Variants in ZBTB20 observed in about 807,000 individuals in gnomAD.
ZBTB20 encodes zinc finger and BTB domain containing 20.
In ZBTB20, 9 loss-of-function variants were observed where a neutral mutation model predicts 56.9. The ratio of observed to expected loss-of-function variants is 0.16; its 90% CI spans 0.10 to 0.28. The LOEUF (loss-of-function observed/expected upper bound fraction) is 0.28, where lower values mean the gene tolerates loss of function less well. ZBTB20 is among the 10% of genes least tolerant of loss of function. ZBTB20 has a pLI of 1.00. For synonymous variants in ZBTB20, 417 were observed against 420.7 expected (o/e 0.99, Z 0.11); for missense variants, 655 against 1,003.0 (o/e 0.65, Z 4.69).
At chr3:114,832,144 T>C (rs915635941) in intron 4 of ZBTB20, among the ~76,000 whole-genome samples, 1 of 152,100 alleles carries the variant, frequency 6.6e-6, no homozygotes, top group African/African-American at 2.4e-5. Flanking sequence ...AAAGTCCTAC[T>C]CTGCCAAGCC....
chr3:114,586,964 T>C (rs1577773954), intron 6 of ZBTB20, among the ~76,000 whole-genome samples: 1 of 151,886 alleles, frequency 6.6e-6, no homozygotes, highest in East Asian at 1.9e-4. Flanking sequence ...GTACTGAATT[T>C]ATACATAACT....
intron 5 of ZBTB20, among the ~76,000 whole-genome samples, chr3:114,705,140 T>G (rs2063636990): frequency 6.6e-6 from 1 of 152,286 alleles, no homozygotes; most frequent in African/African-American, 2.4e-5. Context: ...CATGTTTTTC[T>G]CACTTAACTA....
At chr3:114,841,364 C>G (rs766420029) in intron 4 of ZBTB20, among the ~76,000 whole-genome samples, 1 of 151,876 alleles carries the variant, frequency 6.6e-6, no homozygotes, top group African/African-American at 2.4e-5. Context: ...CATGGTGCAC[C>G]GAAGGCATGA....
intron 6 of ZBTB20, among the ~76,000 whole-genome samples, chr3:114,625,911 T>A (rs981784267): frequency 6.6e-6 from 1 of 151,722 alleles, no homozygotes; most frequent in Admixed American, 6.6e-5. Context: ...AGTCAACTGA[T>A]AAAAAAAAGT....
intron 6 of ZBTB20, among the ~76,000 whole-genome samples, chr3:114,639,936 T>C (rs1321298876): frequency 1.3e-5 from 2 of 152,090 alleles, no homozygotes; most frequent in Admixed American, 6.6e-5. Context: ...ATTATAAAGA[T>C]ATTCTAAGAT....
intron 6 of ZBTB20, among the ~76,000 whole-genome samples, chr3:114,587,852 T>C (rs972430377): frequency 6.6e-6 from 1 of 152,240 alleles, no homozygotes; most frequent in Non-Finnish European, 1.5e-5. Flanking sequence ...ATTCTAGCTC[T>C]ATCTGTATTG....
intron 6 of ZBTB20, among the ~76,000 whole-genome samples, chr3:114,656,752 T>C (rs904196908): frequency 2.0e-5 from 3 of 152,090 alleles, no homozygotes; most frequent in African/African-American, 4.8e-5. Context: ...TATATATACA[T>C]ATATTTTTAG....
At chr3:115,012,676 T>C (rs993837562) in intron 2 of ZBTB20, among the ~76,000 whole-genome samples, 7 of 151,686 alleles carry the variant, frequency 4.6e-5, no homozygotes, top group African/African-American at 1.4e-4. Context: ...AGAAAATCCA[T>C]AAAGAAACTT....
chr3:114,921,355 TCAAGTGATCTG>T (rs1241962845), intron 3 of ZBTB20, among the ~76,000 whole-genome samples: 1 of 152,102 alleles, frequency 6.6e-6, no homozygotes, highest in Non-Finnish European at 1.5e-5. Context: ...CCTCCAGAAT[TCAAGTGATCTG>T]CATGTCTCAG....
In ZBTB20 at chr3:114,442,845, C is replaced by A. The variant is rs142995956; in HGVS notation, c.-254-53740G>T. 3.1e-3 allele frequency among the ~76,000 whole-genome samples: 471 copies of A among 152,242 alleles called. 5 individuals carry two copies. The highest frequency in any genetic ancestry group is 0.011 in the African/African-American group (445 of 41,540). ...ATACATTTAATGTTATATCTCTACC[C>A]TTACATGTCTCAAGTTATTTCATCA... On this transcript the variant is annotated intron_variant, in intron 7 of 11. Coordinates refer to ENST00000675478, the MANE Select transcript of ZBTB20 (RefSeq NM_001348800.3).
intron 5 of ZBTB20, among the ~76,000 whole-genome samples, chr3:114,751,450 CT>C (rs2067549714): frequency 6.6e-6 from 1 of 152,140 alleles, no homozygotes; most frequent in African/African-American, 2.4e-5. Context: ...ACAAAATATA[CT>C]TCAATTCAAT....
rs144382533 is a variant in ZBTB20, at chr3:114,936,550, A to G, written c.-455-36208T>C. 2.5e-3 allele frequency among the ~76,000 whole-genome samples: 388 copies of G among 152,348 alleles called. 1 individual carries two copies. The highest frequency in any genetic ancestry group is 6.8e-3 in the Middle Eastern group (2 of 294). ...TGCCACAAAAAGAAGTATTATAATT[A>G]TAACTATTAATTATAAGTAAAGTTT... On this transcript the variant is annotated intron_variant, in intron 3 of 11. Coordinates refer to ENST00000675478, the MANE Select transcript of ZBTB20 (RefSeq NM_001348800.3).
In ZBTB20 at chr3:114,333,691, A is replaced by T. The variant is rs928459949; in HGVS notation, c.*5314T>A. On this transcript the variant is annotated 3_prime_UTR_variant, in exon 12 of 12. Coordinates refer to ENST00000675478, the MANE Select transcript of ZBTB20 (RefSeq NM_001348800.3). ...TCTTTTTTTTTAATTTCTTTTTCTGAGGAACAAAATTGGCCATTTAAATAA... is the reference window on the plus strand; with the variant it reads ...TCTTTTTTTTTAATTTCTTTTTCTGTGGAACAAAATTGGCCATTTAAATAA... 6.6e-6 allele frequency: 1 copy of T among 151,578 alleles called. No homozygotes were observed. The highest frequency in any genetic ancestry group is 2.4e-5 in the African/African-American group (1 of 41,192). The allele number at this position is 151,578 out of a possible 1,614,324, so 9.4% of individuals were successfully genotyped here.
chr3:114,676,867 CT>C (rs2061660586), intron 6 of ZBTB20, among the ~76,000 whole-genome samples: 1 of 151,600 alleles, frequency 6.6e-6, no homozygotes, highest in Admixed American at 6.6e-5. Flanking sequence ...GTCCGACTCC[CT>C]GGTTCAAGCG....
intron 5 of ZBTB20, among the ~76,000 whole-genome samples, chr3:114,705,208 G>T (rs892475552): frequency 1.3e-5 from 2 of 151,918 alleles, no homozygotes; most frequent in African/African-American, 4.8e-5. Flanking sequence ...CACCACCACA[G>T]CCTGATAGTC....
intron 6 of ZBTB20, among the ~76,000 whole-genome samples, chr3:114,602,825 A>C (rs1560021883): frequency 6.6e-6 from 1 of 152,012 alleles, no homozygotes; most frequent in African/African-American, 2.4e-5. Flanking sequence ...GTCACGGACG[A>C]ATTTTCTATA....
At chr3:114,631,382 CTTT>C (rs66470152) in intron 6 of ZBTB20, among the ~76,000 whole-genome samples, 2 of 49,808 alleles carry the variant, frequency 4.0e-5, no homozygotes, top group African/African-American at 7.9e-5. Context: ...ATAGGTTATT[CTTT>C]TTTTTTTTTT....
At chr3:114,862,759 G>A (rs940950718) in intron 4 of ZBTB20, among the ~76,000 whole-genome samples, 1 of 152,110 alleles carries the variant, frequency 6.6e-6, no homozygotes, top group Non-Finnish European at 1.5e-5. Context: ...TAAACTGTCT[G>A]AATTTTGAAA....
At chr3:115,103,196 G>A (rs2083630803) in intron 1 of ZBTB20, 1 of 152,114 alleles carries the variant, frequency 6.6e-6, no homozygotes, top group Non-Finnish European at 1.5e-5. Flanking sequence ...TAATTAAATT[G>A]CTTCATGTGT....
Sources: gnomAD v4.1 joint callset for allele counts (sites outside exome capture counted in the v4.1 genomes callset) on GRCh38, gnomAD v4.1.1 for gene constraint, MANE v1.5 for transcripts, NCBI Gene and HGNC (gene_info 2026-07-23, HGNC 2026-07-21) for gene names.